The following ITGA9 variants were observed in gnomAD, a reference collection of about 807,000 sequenced individuals.
ITGA9 encodes integrin subunit alpha 9, also known as integrin alpha-9.
Under a neutral mutation model 127.8 loss-of-function variants are expected in ITGA9, and 56 were observed. The ratio of observed to expected loss-of-function variants is 0.44; its 90% CI spans 0.35 to 0.55. The LOEUF (loss-of-function observed/expected upper bound fraction) is 0.55. Ranked by LOEUF, ITGA9 falls within the 20% of genes least tolerant of loss-of-function variation. The pLI is 0.00. For synonymous variants in ITGA9, 508 were observed against 514.5 expected (o/e 0.99, Z 0.17); for missense variants, 1,196 against 1,347.1 (o/e 0.89, Z 1.76).
intron 25 of ITGA9, among the ~76,000 whole-genome samples, chr3:37,782,380 G>A (rs1696984860): frequency 6.6e-6 from 1 of 152,132 alleles, no homozygotes; most frequent in South Asian, 2.1e-4. Context: ...TTTCTATCCC[G>A]GCAGCCAGTG....
intron 1 of ITGA9, among the ~76,000 whole-genome samples, chr3:37,470,741 C>G (rs1579046081): frequency 6.6e-6 from 1 of 152,066 alleles, no homozygotes; most frequent in African/African-American, 2.4e-5. Flanking sequence ...TGGGCTCAAG[C>G]GATCCACCCG....
chr3:37,726,039 T>C (rs1387398509), intron 18 of ITGA9, among the ~76,000 whole-genome samples: 1 of 152,274 alleles, frequency 6.6e-6, no homozygotes, highest in African/African-American at 2.4e-5. Flanking sequence ...TGACTCATCA[T>C]TGAGTGCTGC....
chr3:37,683,944 G>A lies in ITGA9; in HGVS notation c.1996G>A (p.Asp666Asn). 6.2e-7 allele frequency: 1 copy of A among 1,614,092 alleles called. No individual in the cohort carries two copies. Among genetic ancestry groups the A allele is most frequent in the South Asian group, 1.1e-5 (1 of 91,062 alleles). The change falls in exon 18 of 28, where the codon GAT (aspartate) becomes AAT (asparagine). Residue 666 changes from aspartate (D) to asparagine (N), a missense_variant. By Grantham distance (23) the Asp-to-Asn change is conservative. Coordinates refer to ENST00000264741, the MANE Select transcript of ITGA9 (RefSeq NM_002207.3). The part of the protein sequence containing the change: ...SLNISISNLG[D>N]DAYDANVSFN... ...AAACATCTCTATCTCCAACCTCGGA[G>A]ATGATGCCTATGATGCCAACGTGTC...
chr3:37,789,888 A>G, intron 26 of ITGA9: 2 of 562,676 alleles, frequency 3.6e-6, no homozygotes, highest in South Asian at 3.3e-5. Context: ...AGGGATGAGG[A>G]GTACACATAG....
chr3:37,534,336 CT>C (rs1699187936), intron 14 of ITGA9, among the ~76,000 whole-genome samples: 1 of 152,230 alleles, frequency 6.6e-6, no homozygotes, highest in African/African-American at 2.4e-5. Context: ...AGTGTAGCCC[CT>C]GGCCTAGCAT....
At chr3:37,610,114 A>G (rs1207560340) in intron 15 of ITGA9, among the ~76,000 whole-genome samples, 1 of 152,166 alleles carries the variant, frequency 6.6e-6, no homozygotes, top group Non-Finnish European at 1.5e-5. Flanking sequence ...GAGAGGTCCA[A>G]GGCAAGATGG....
intron 15 of ITGA9, among the ~76,000 whole-genome samples, chr3:37,609,042 C>G (rs1003921782): frequency 6.6e-6 from 1 of 152,176 alleles, no homozygotes; most frequent in Admixed American, 6.5e-5. Flanking sequence ...GTGTCATACT[C>G]TGATCCTTCT....
At chr3:37,460,669 G>A (rs1484419089) in intron 1 of ITGA9, among the ~76,000 whole-genome samples, 1 of 147,780 alleles carries the variant, frequency 6.8e-6, no homozygotes, top group African/African-American at 2.5e-5. Flanking sequence ...GGCTCACTGC[G>A]AGCTCCACCT....
intron 26 of ITGA9, 87 bp from the exon 27 acceptor site, chr3:37,803,736 T>C (rs1697261329): frequency 1.3e-6 from 2 of 1,509,332 alleles, no homozygotes; most frequent in African/African-American, 2.8e-5. Context: ...ATTGTGCCAT[T>C]GCACTCCAGC....
At chr3:37,642,094 C>G (rs922029136) in intron 16 of ITGA9, among the ~76,000 whole-genome samples, 1 of 152,028 alleles carries the variant, frequency 6.6e-6, no homozygotes, top group African/African-American at 2.4e-5. Flanking sequence ...TGTGCCACCA[C>G]GCCTGGCTAT....
intron 16 of ITGA9, among the ~76,000 whole-genome samples, chr3:37,636,845 A>C (rs1575175903): frequency 2.0e-5 from 3 of 151,762 alleles, no homozygotes; most frequent in South Asian, 2.1e-4. Context: ...TCAGCTTTCT[A>C]CATATGGCTA....
chr3:37,542,379 AGT>A (rs1553645368), intron 14 of ITGA9, 44 bp from the exon 15 acceptor site: 2 of 1,606,832 alleles, frequency 1.2e-6, no homozygotes, highest in Non-Finnish European at 1.7e-6. Flanking sequence ...GCCTCATCAC[AGT>A]GTGTCGGTCC....
chr3:37,695,733 G>C (rs1700878399), intron 18 of ITGA9, among the ~76,000 whole-genome samples: 1 of 152,212 alleles, frequency 6.6e-6, no homozygotes, highest in Non-Finnish European at 1.5e-5. Context: ...GCTCTCCCAA[G>C]CAAGTCTGTG....
At position 37,698,240 on chromosome 3, in the gene ITGA9, T is replaced by C. The variant is rs183921173; in HGVS notation, c.2067+14225T>C. On this transcript the variant is annotated intron_variant, in intron 18 of 27. Coordinates refer to ENST00000264741, the MANE Select transcript of ITGA9 (RefSeq NM_002207.3). ...CTTTGTAGATTCTGGATATTAGCCC[T>C]TTGTCAGATGGGTAGATTGCAAAAA... 4.2e-3 allele frequency among the ~76,000 whole-genome samples: 647 copies of C among 152,354 alleles called. 3 individuals carry two copies. The highest frequency in any genetic ancestry group is 0.015 in the African/African-American group (623 of 41,580).
chr3:37,790,231 G>C (rs1189740429), intron 26 of ITGA9: 2 of 554,138 alleles, frequency 3.6e-6, no homozygotes, highest in African/African-American at 1.9e-5. Context: ...AAGATCTTTG[G>C]AATCAACATA....
intron 15 of ITGA9, among the ~76,000 whole-genome samples, chr3:37,568,329 AT>A (rs760233392): frequency 6.6e-6 from 1 of 151,982 alleles, no homozygotes; most frequent in East Asian, 1.9e-4. Flanking sequence ...CCATGAAACC[AT>A]TTTTTCCTCC....
At chr3:37,567,364 T>C (rs1325679613) in intron 15 of ITGA9, among the ~76,000 whole-genome samples, 1 of 152,164 alleles carries the variant, frequency 6.6e-6, no homozygotes, top group Non-Finnish European at 1.5e-5. Flanking sequence ...ACAGTGAGAA[T>C]TGTGGTAGCT....
intron 18 of ITGA9, among the ~76,000 whole-genome samples, chr3:37,693,242 C>T (rs571460160): frequency 6.6e-6 from 1 of 152,172 alleles, no homozygotes; most frequent in South Asian, 2.1e-4. Context: ...GGCCCTAGGT[C>T]CTTATTTCCT....
intron 23 of ITGA9, among the ~76,000 whole-genome samples, chr3:37,757,861 T>C (rs1315917161): frequency 6.6e-6 from 1 of 151,768 alleles, no homozygotes; most frequent in East Asian, 1.9e-4. Context: ...ATAATTCTTA[T>C]GTTAATATAA....
Sources: gnomAD v4.1 joint callset for allele counts (sites outside exome capture counted in the v4.1 genomes callset) on GRCh38, gnomAD v4.1.1 for gene constraint, MANE v1.5 for transcripts, NCBI Gene and HGNC (gene_info 2026-07-23, HGNC 2026-07-21) for gene names.